USP6: variants seen among roughly 807,000 people sequenced by gnomAD.
USP6 encodes ubiquitin carboxyl-terminal hydrolase 6.
In USP6, 128 loss-of-function variants were observed where a neutral mutation model predicts 175.7. The observed-to-expected ratio is 0.73, with a 90% CI of 0.63 to 0.84. USP6 has a LOEUF of 0.84. Ranked by LOEUF, USP6 falls within the 40% of genes least tolerant of loss-of-function variation. USP6 has a pLI of 0.00. For synonymous variants in USP6, 562 were observed against 630.6 expected (o/e 0.89, Z 1.63); for missense variants, 1,498 against 1,760.3 (o/e 0.85, Z 2.67).
chr17:5,138,663 C>T (rs2073340540), intron 21 of USP6, among the ~76,000 whole-genome samples: 1 of 152,208 alleles, frequency 6.6e-6, no homozygotes, highest in Non-Finnish European at 1.5e-5. Flanking sequence ...CTCCTGCACG[C>T]TCCTCCAAGG....
chr17:5,144,339 G>C (rs2073545915), intron 25 of USP6, among the ~76,000 whole-genome samples: 1 of 151,824 alleles, frequency 6.6e-6, no homozygotes, highest in African/African-American at 2.4e-5. Context: ...TATTTTATAT[G>C]CATATAAAAA....
Position 5,139,339 on chromosome 17 carries a change from C to T in USP6, c.1163C>T (p.Ala388Val), listed in dbSNP as rs756413469. ...ACCCTCTGCAAGGGGTATAGGCAGGCCCCTCCAGGCCCACCAGCCCAGTTC... is the reference window on the plus strand; with the variant it reads ...ACCCTCTGCAAGGGGTATAGGCAGGTCCCTCCAGGCCCACCAGCCCAGTTC... Reference protein sequence around the residue: ...GKTLCKGYRQAPPGPPAQFQR... With the variant: ...GKTLCKGYRQVPPGPPAQFQR... Residue 388 changes from alanine (A) to valine (V), a missense_variant, in exon 22 of 38, where the codon GCC becomes GTC. This residue lies in a region of USP6 where 1,217 missense variants were observed against 1,500.8 expected (regional missense o/e 0.81). Coordinates refer to ENST00000574788, the MANE Select transcript of USP6 (RefSeq NM_001304284.2). The T allele has an allele frequency of 3.1e-6, 5 of 1,612,196 alleles. No individual in the cohort carries two copies. The highest frequency in any genetic ancestry group is 1.7e-5 in the Admixed American group (1 of 60,032).
intron 33 of USP6, among the ~76,000 whole-genome samples, chr17:5,167,259 T>C (rs1002634248): frequency 1.3e-5 from 2 of 152,268 alleles, no homozygotes; most frequent in African/African-American, 4.8e-5. Flanking sequence ...GCTCTGGCTT[T>C]CTGATTAAAA....
chr17:5,133,704 A>G (rs1051367964), intron 14 of USP6, among the ~76,000 whole-genome samples, 154 bp downstream of exon 14: 6 of 152,018 alleles, frequency 3.9e-5, no homozygotes, highest in African/African-American at 1.5e-4. Flanking sequence ...GTCACCACAG[A>G]CAAACTCGGC....
rs2073031471 is a variant in USP6 at position 5,130,512 on chromosome 17, G to A, written c.72+73G>A. On this transcript the variant is annotated intron_variant, in intron 10 of 37. Transcript: ENST00000574788. Reference sequence around the variant, plus strand: ...TGGTCAAAGGGTCCTGGGTTCCCTAGGAGCACAGGGCAGGGACGGGTGGCC... The same window carrying A: ...TGGTCAAAGGGTCCTGGGTTCCCTAAGAGCACAGGGCAGGGACGGGTGGCC... 1.9e-6 allele frequency: 3 copies of A among 1,611,728 alleles called. No homozygotes were observed. The African/African-American group carries it at 4.0e-5, about 22-fold the overall frequency.
At chr17:5,160,887 C>G (rs553359915) in intron 31 of USP6, among the ~76,000 whole-genome samples, 1 of 152,184 alleles carries the variant, frequency 6.6e-6, no homozygotes, top group Non-Finnish European at 1.5e-5. Context: ...TCTCCAGCAC[C>G]TGTTGTTTCC....
rs1407395262 is a variant in USP6 at position 5,132,230 on chromosome 17, A to G, written c.156-166A>G. On this transcript the variant is annotated intron_variant, in intron 11 of 37. Transcript: ENST00000574788. The surrounding 1 kb of genome is among the most constrained non-coding windows in gnomAD (Gnocchi z 4.7). ...TCTCCCAGGTCCTGCCCCTCCTGGG[A>G]GTCAGAGCCACAGGAAGGCCCTTGT... The G allele has an allele frequency of 6.3e-7, 1 of 1,578,574 alleles. No individual in the cohort carries two copies.
rs530876691 is a variant in USP6 at position 5,174,315 on chromosome 17, T to C, written c.*1337T>C. On this transcript the variant is annotated 3_prime_UTR_variant, in exon 38 of 38. Coordinates refer to ENST00000574788, the MANE Select transcript of USP6 (RefSeq NM_001304284.2). ...TATTTTTGGTCTTTGTTTATTCATT[T>C]AGACCCTGCAAGTTGATTCTCATTG... 1.1e-5 allele frequency: 2 copies of C among 189,778 alleles called. No homozygotes were observed. The highest frequency in any genetic ancestry group is 6.2e-5 in the Admixed American group (1 of 16,216). The allele number at this position is 189,778 out of a possible 1,614,324, so 11.8% of individuals were successfully genotyped here. A position where few individuals can be genotyped will look rare whatever the true frequency, so the allele number is the denominator to read the frequency against.
chr17:5,172,285 A>C (rs1348499386), intron 37 of USP6, among the ~76,000 whole-genome samples: 1 of 152,142 alleles, frequency 6.6e-6, no homozygotes, highest in South Asian at 2.1e-4. Context: ...TAATCCCAGC[A>C]CTTTGGGAGG....
rs1487585938 is a variant in USP6 at position 5,139,280 on chromosome 17, A to G, written c.1104A>G (p.Ala368=). The change falls in exon 22 of 38, where the codon GCA becomes GCG. Residue 368 remains alanine (A), a synonymous_variant. Coordinates refer to ENST00000574788, the MANE Select transcript of USP6 (RefSeq NM_001304284.2). ...CCAAACGCGAGCAAGGGTCCTTGGC[A>G]CCCAGGCCTGTGCCGGCTTCACGTG... The part of the protein sequence containing the change: ...PPAKREQGSL[A]PRPVPASRGG... 9.3e-6 allele frequency: 15 copies of G among 1,604,674 alleles called. No individual in the cohort carries two copies. Among genetic ancestry groups the G allele is most frequent in the Non-Finnish European group, 1.1e-5 (13 of 1,179,970 alleles).
In USP6 at chr17:5,129,725, A is replaced by C. The variant is rs114546620; in HGVS notation, c.-155-211A>C. 5.4e-3 allele frequency: 834 copies of C among 155,448 alleles called. 8 individuals carry two copies. Among genetic ancestry groups the C allele is most frequent in the African/African-American group, 0.019 (795 of 41,586 alleles). The allele number at this position is 155,448 out of a possible 1,614,324, so 9.6% of individuals were successfully genotyped here. A position where few individuals can be genotyped will look rare whatever the true frequency, so the allele number is the denominator to read the frequency against. On this transcript the variant is annotated intron_variant, in intron 8 of 37. Transcript: ENST00000574788. ...CTGTGGGGACAGCTCAGAATGGTGG[A>C]GTCCACAGTCCCTCCCTGAGAGACA...
At position 5,139,583 on chromosome 17, in the gene USP6, C is replaced by G. The variant is rs766460443; in HGVS notation, c.1407C>G (p.Pro469=). ...TDLDIGGPWF[P]HYDFEWSCWV... ...TGGATATAGGGGGCCCTTGGTTCCC[C>G]CATTATGATTTTGAATGGAGCTGCT... Residue 469 remains proline (P), a synonymous_variant, in exon 22 of 38, where the codon CCC becomes CCG. Coordinates refer to ENST00000574788, the MANE Select transcript of USP6 (RefSeq NM_001304284.2). 5 of 1,613,770 alleles carry G rather than the reference C, an allele frequency of 3.1e-6. No homozygotes were observed. Among genetic ancestry groups the G allele is most frequent in the Non-Finnish European group, 4.2e-6 (5 of 1,180,016 alleles).
Position 5,170,823 on chromosome 17 carries a change from G to A in USP6, c.3862G>A (p.Gly1288Ser), listed in dbSNP as rs754080581. ...TGGCTGTGGCGATGGCTACAGCAAT[G>A]GTCAGCTTGGAAACCACAGTGAAGA... ...GNGCGDGYSN[G>S]QLGNHSEEDS... The change falls in exon 36 of 38, where the codon GGT (glycine) becomes AGT (serine). Residue 1288 changes from glycine (G) to serine (S), a missense_variant. Coordinates refer to ENST00000574788, the MANE Select transcript of USP6 (RefSeq NM_001304284.2). The A allele has an allele frequency of 5.0e-6, 8 of 1,613,338 alleles. No homozygotes were observed. In the South Asian group the frequency reaches 8.8e-5, roughly 18 times the overall value.
In USP6 at chr17:5,132,727, CG is replaced by C. The variant is rs1171680001; in HGVS notation, c.196-179del. Among the ~76,000 whole-genome samples the C allele has an allele frequency of 6.6e-6, 1 of 152,082 alleles. No individual in the cohort carries two copies. The highest frequency in any genetic ancestry group is 2.4e-5 in the African/African-American group (1 of 41,426). On this transcript the variant is annotated intron_variant, in intron 12 of 37. Transcript: ENST00000574788. The surrounding 1 kb of genome is among the most constrained non-coding windows in gnomAD (Gnocchi z 4.7). ...TCTGTGGCCTGAGGATGGCATGTCC[CG>C]GGGTCCCAAAGCCAGCCCATTGGTG... is the stretch of plus-strand genomic sequence containing the variant.
Position 5,135,161 on chromosome 17 carries a change from A to G in USP6, c.495-73A>G, listed in dbSNP as rs1257510482. 5 of 1,530,012 alleles carry G rather than the reference A, an allele frequency of 3.3e-6. No homozygotes were observed. The East Asian group carries it at 9.1e-5, about 28-fold the overall frequency. The allele number at this position is 1,530,012 out of a possible 1,614,324, so 94.8% of individuals were successfully genotyped here. On this transcript the variant is annotated intron_variant, in intron 15 of 37. Transcript: ENST00000574788. Reference sequence around the variant, plus strand: ...ATCTGAACCTGAAATGGGATTTGTTAGGATTTGTAGACAAAGTGAAACTAA... The same window carrying G: ...ATCTGAACCTGAAATGGGATTTGTTGGGATTTGTAGACAAAGTGAAACTAA...
chr17:5,133,388 G>A, intron 13 of USP6, 55 bp from the exon 14 acceptor site: 6 of 1,529,002 alleles, frequency 3.9e-6, no homozygotes, highest in Non-Finnish European at 4.5e-6. Flanking sequence ...CCAGGCTCTG[G>A]TCCTCACTGG....
chr17:5,152,598 A>G (rs1054270095), intron 30 of USP6, among the ~76,000 whole-genome samples: 1 of 152,246 alleles, frequency 6.6e-6, no homozygotes, highest in Non-Finnish European at 1.5e-5. Flanking sequence ...GTTGAGATAT[A>G]TTAAGATAAA....
intron 16 of USP6, among the ~76,000 whole-genome samples, chr17:5,135,568 A>G (rs1281115944): frequency 6.6e-6 from 1 of 152,198 alleles, no homozygotes; most frequent in African/African-American, 2.4e-5. Context: ...GGCTGCTCCA[A>G]AGCAAAGGAG....
intron 33 of USP6, among the ~76,000 whole-genome samples, chr17:5,163,206 G>T (rs1367919470): frequency 6.6e-6 from 1 of 152,130 alleles, no homozygotes; most frequent in Non-Finnish European, 1.5e-5. Context: ...TTGGGGCATT[G>T]TCTTTGTCCA....
Sources: gnomAD v4.1 joint callset for allele counts (sites outside exome capture counted in the v4.1 genomes callset) on GRCh38, gnomAD v4.1.1 for gene constraint, gnomAD v4.1.1 regional missense constraint, Gnocchi (gnomAD v3.1) non-coding constraint, MANE v1.5 for transcripts, NCBI Gene and HGNC (gene_info 2026-07-23, HGNC 2026-07-21) for gene names.